Variants in CADPS2 observed in about 807,000 individuals in gnomAD.
CADPS2 encodes the protein calcium-dependent secretion activator 2.
CADPS2 carries 93 observed loss-of-function variants against 172.5 expected under a neutral mutation model. The observed-to-expected ratio is 0.54, with a 90% CI of 0.46 to 0.64. The LOEUF is 0.64. CADPS2 is among the 30% of genes least tolerant of loss of function. The probability of loss-of-function intolerance (pLI) is 0.00; values close to 1 mark genes in which losing one functional copy is unlikely to be tolerated. For synonymous variants in CADPS2, 546 were observed against 555.2 expected (o/e 0.98, Z 0.23); for missense variants, 1,420 against 1,565.9 (o/e 0.91, Z 1.57).
intron 2 of CADPS2, chr7:122,702,981 G>T (rs980719449): frequency 2.2e-6 from 1 of 453,140 alleles, no homozygotes. Context: ...GTGATTTCAA[G>T]AAAATTATGA....
chr7:122,862,118 T>C (rs1039160195), intron 1 of CADPS2, among the ~76,000 whole-genome samples: 3 of 152,162 alleles, frequency 2.0e-5, no homozygotes, highest in African/African-American at 4.8e-5. Flanking sequence ...CAAACACTAG[T>C]TCAGACTGAA....
intron 1 of CADPS2, among the ~76,000 whole-genome samples, chr7:122,871,209 T>A (rs922061618): frequency 9.2e-5 from 14 of 151,594 alleles, no homozygotes; most frequent in Admixed American, 9.2e-4. Context: ...TACACCCTGG[T>A]TTCATCCCAC....
At chr7:122,821,620 C>T (rs985833347) in intron 1 of CADPS2, among the ~76,000 whole-genome samples, 7 of 152,112 alleles carry the variant, frequency 4.6e-5, no homozygotes, top group South Asian at 2.1e-4. Flanking sequence ...ACATAATTCC[C>T]CAGTTTAGCC....
intron 2 of CADPS2, among the ~76,000 whole-genome samples, chr7:122,710,315 C>T (rs2088497865): frequency 6.6e-6 from 1 of 152,014 alleles, no homozygotes; most frequent in Admixed American, 6.6e-5. Flanking sequence ...AATTTAATCC[C>T]TCCCGTGAAG....
chr7:122,572,570 T>C (rs2132560762), intron 7 of CADPS2, among the ~76,000 whole-genome samples: 1 of 152,258 alleles, frequency 6.6e-6, no homozygotes, highest in African/African-American at 2.4e-5. Flanking sequence ...AAGATGACCC[T>C]TTATCAAGTT....
chr7:122,353,017 A>T (rs12667803), intron 27 of CADPS2, among the ~76,000 whole-genome samples: 61,823 of 152,022 alleles, frequency 0.41, 13,271 homozygotes, highest in African/African-American at 0.51. Flanking sequence ...GTGCTTTACA[A>T]TTCAAAGCAC....
At chr7:122,575,037 A>G (rs553724077) in intron 7 of CADPS2, among the ~76,000 whole-genome samples, 2 of 152,264 alleles carry the variant, frequency 1.3e-5, no homozygotes, top group Non-Finnish European at 2.9e-5. Flanking sequence ...ATGTAGGTGG[A>G]TGCTTGGCAA....
intron 8 of CADPS2, among the ~76,000 whole-genome samples, chr7:122,552,676 C>A (rs1207868713): frequency 6.6e-6 from 1 of 151,690 alleles, no homozygotes; most frequent in Non-Finnish European, 1.5e-5. Context: ...CATGTTCAGT[C>A]TTTGTTCTTG....
chr7:122,487,103 C>A (rs758425697), intron 11 of CADPS2, among the ~76,000 whole-genome samples: 1 of 150,014 alleles, frequency 6.7e-6, no homozygotes, highest in Non-Finnish European at 1.5e-5. Context: ...CTCCACCCCT[C>A]GGGTTCAAGC....
chr7:122,407,883 C>T lies in CADPS2; in HGVS notation c.2590-187G>A, dbSNP rs2046839591. On this transcript the variant is annotated intron_variant, in intron 19 of 29. Coordinates refer to ENST00000449022, the MANE Select transcript of CADPS2 (RefSeq NM_017954.11). ...ACACATTAAAATCATAGATTTGGCA[C>T]TGAGGAATGAAATAGAAAATAGAAT... The T allele has an allele frequency of 5.4e-6, 3 of 560,610 alleles. No individual in the cohort carries two copies. The African/African-American group carries it at 5.6e-5, about 11-fold the overall frequency. 34.7% of individuals were successfully genotyped at this position (560,610 alleles called of 1,614,324 possible).
chr7:122,645,528 G>GTGTA (rs2078396577), intron 3 of CADPS2, among the ~76,000 whole-genome samples: 1 of 109,562 alleles, frequency 9.1e-6, no homozygotes, highest in East Asian at 2.4e-4. Context: ...ATATATATAA[G>GTGTA]TATATATATA....
chr7:122,324,711 ATTCTCAATAGC>A (rs1379159226), intron 29 of CADPS2, among the ~76,000 whole-genome samples: 1 of 152,118 alleles, frequency 6.6e-6, no homozygotes, highest in African/African-American at 2.4e-5. Context: ...TAAATAGGTG[ATTCTCAATAGC>A]TTAGAGTTAT....
chr7:122,537,422 A>C (rs2062420412), intron 8 of CADPS2, among the ~76,000 whole-genome samples: 1 of 151,896 alleles, frequency 6.6e-6, no homozygotes, highest in Admixed American at 6.6e-5. Context: ...ATGCTAATAG[A>C]GAATGAAATT....
chr7:122,710,163 ATGGTTAACTCTGAGTGAGTCTG>A (rs1330564817), intron 2 of CADPS2, among the ~76,000 whole-genome samples: 2 of 151,746 alleles, frequency 1.3e-5, no homozygotes, highest in South Asian at 4.1e-4. Flanking sequence ...AAGTCCTATG[ATGGTTAACTCTGAGTGAGTCTG>A]TGGTTAACTC....
intron 25 of CADPS2, among the ~76,000 whole-genome samples, chr7:122,363,360 T>C (rs1011877524): frequency 6.6e-6 from 1 of 152,176 alleles, no homozygotes; most frequent in Non-Finnish European, 1.5e-5. Context: ...CAGCACCTGA[T>C]TCTTGGTGCT....
intron 17 of CADPS2, chr7:122,424,404 G>A (rs2151836759): frequency 1.2e-6 from 1 of 824,644 alleles, no homozygotes; most frequent in Admixed American, 6.2e-5. Context: ...GGCCACTAGA[G>A]TATAGACCAA....
intron 27 of CADPS2, among the ~76,000 whole-genome samples, chr7:122,360,238 G>A (rs112136994): frequency 0.027 from 4,105 of 152,190 alleles, 192 homozygotes; most frequent in African/African-American, 0.094. Flanking sequence ...CCATGTGAAC[G>A]TTCTCATTGT....
intron 1 of CADPS2, among the ~76,000 whole-genome samples, chr7:122,760,875 C>A (rs948911829): frequency 6.6e-6 from 1 of 151,618 alleles, no homozygotes; most frequent in Non-Finnish European, 1.5e-5. Flanking sequence ...TGACGAGTTA[C>A]TGGGTGCAGC....
In CADPS2 at chr7:122,537,209, A is replaced by C. The variant is rs184997241; in HGVS notation, c.1475+17341T>G. On this transcript the variant is annotated intron_variant, in intron 8 of 29. Transcript: ENST00000449022. ...ACTTTCAAGAAGCATGTATACAACT[A>C]TTTATCAAAGAAGTATATTTACAAC... Among the ~76,000 whole-genome samples the C allele has an allele frequency of 1.2e-4, 18 of 152,036 alleles. No homozygotes were observed. The East Asian group carries it at 3.5e-3, about 29-fold the overall frequency.
Sources: gnomAD v4.1 joint callset for allele counts (sites outside exome capture counted in the v4.1 genomes callset) on GRCh38, gnomAD v4.1.1 for gene constraint, MANE v1.5 for transcripts, NCBI Gene and HGNC (gene_info 2026-07-23, HGNC 2026-07-21) for gene names.